Variants in TP53I11 observed in about 807,000 individuals in gnomAD.
TP53I11 encodes the protein tumor protein p53 inducible protein 11.
A neutral mutation model predicts 23.3 loss-of-function variants in TP53I11; 9 were observed. The ratio of observed to expected loss-of-function variants is 0.39; its 90% CI spans 0.23 to 0.67. The LOEUF (loss-of-function observed/expected upper bound fraction) is 0.67. Among genes scored for constraint, TP53I11 ranks in the 30% least tolerant of loss-of-function variants. TP53I11 has a pLI of 0.48. For missense variants in TP53I11, 170 were observed against 255.2 expected (o/e 0.67, Z 2.27); for synonymous variants, 100 against 106.1 (o/e 0.94, Z 0.35).
chr11:44,941,019 G>C (rs1336390746), intron 1 of TP53I11: 6 of 152,230 alleles, frequency 3.9e-5, no homozygotes. Flanking sequence ...CTGCTGTGTG[G>C]CCTTGTGCTC....
chr11:44,947,481 G>C (rs1031940711), intron 1 of TP53I11, among the ~76,000 whole-genome samples: 6 of 152,248 alleles, frequency 3.9e-5, no homozygotes, highest in African/African-American at 1.2e-4. Context: ...GAGAGGAAGG[G>C]AGAGGAAAGG....
chr11:44,937,243 C>A, intron 4 of TP53I11, 61 bp downstream of exon 4: 1 of 1,541,608 alleles, frequency 6.5e-7, no homozygotes, highest in South Asian at 1.2e-5. Flanking sequence ...TCTGGTGAGC[C>A]AGAGAAGGGC....
intron 1 of TP53I11, among the ~76,000 whole-genome samples, chr11:44,938,811 A>T (rs866847264): frequency 1.3e-5 from 2 of 151,998 alleles, no homozygotes; most frequent in Admixed American, 1.3e-4. Flanking sequence ...TTGGGCCCCC[A>T]CCAAACTTCT....
chr11:44,937,361 C>A lies in TP53I11; in HGVS notation c.189-9G>T. On this transcript the variant is annotated splice_polypyrimidine_tract_variant and intron_variant, in intron 3 of 6. Coordinates refer to ENST00000525680, the MANE Select transcript of TP53I11 (RefSeq NM_006034.5). ...AGACGAACTGCCAGACCCTGGGAGG[C>A]GTGGAAAGAAGATCACAGCCCTGCC... 6.8e-7 allele frequency: 1 copy of A among 1,473,218 alleles called. No individual in the cohort carries two copies. The highest frequency in any genetic ancestry group is 9.0e-7 in the Non-Finnish European group (1 of 1,110,222). 91.3% of individuals were successfully genotyped at this position (1,473,218 alleles called of 1,614,324 possible). A position where few individuals can be genotyped will look rare whatever the true frequency, so the allele number is the denominator to read the frequency against.
In TP53I11 at chr11:44,936,091, G is replaced by A. The variant is rs564967964; in HGVS notation, c.335-429C>T. The A allele has an allele frequency of 9.8e-4, 448 of 456,970 alleles. 2 individuals are homozygous for A. The highest frequency in any genetic ancestry group is 2.2e-3 in the Admixed American group (40 of 18,298). 28.3% of individuals were successfully genotyped at this position (456,970 alleles called of 1,614,324 possible). ...ACTCCCAGACAGAAAACCTGAGCCCGGTAAGGACTCGCTTTAAGGAAGTCC... is the reference window on the plus strand; with the variant it reads ...ACTCCCAGACAGAAAACCTGAGCCCAGTAAGGACTCGCTTTAAGGAAGTCC... On this transcript the variant is annotated intron_variant, in intron 5 of 6. Coordinates refer to ENST00000525680, the MANE Select transcript of TP53I11 (RefSeq NM_006034.5). The surrounding 1 kb of genome is among the most constrained non-coding windows in gnomAD (Gnocchi z 4.4).
chr11:44,950,717 G>C lies in TP53I11; in HGVS notation c.-72C>G, dbSNP rs1565140622. The C allele has an allele frequency of 6.5e-6, 1 of 152,922 alleles. No homozygotes were observed. The highest frequency in any genetic ancestry group is 2.4e-5 in the African/African-American group (1 of 41,418). 9.5% of individuals were successfully genotyped at this position (152,922 alleles called of 1,614,324 possible). A position where few individuals can be genotyped will look rare whatever the true frequency, so the allele number is the denominator to read the frequency against. ...CGGCGCTGGGCTACGTGGAGCTGATGCCAGGCGGAGGCTCCGGGCTCGGAC... is the reference window on the plus strand; with the variant it reads ...CGGCGCTGGGCTACGTGGAGCTGATCCCAGGCGGAGGCTCCGGGCTCGGAC... On this transcript the variant is annotated 5_prime_UTR_variant, in exon 1 of 7. Coordinates refer to ENST00000525680, the MANE Select transcript of TP53I11 (RefSeq NM_006034.5).
At chr11:44,937,860 A>C (rs867194730) in intron 2 of TP53I11, among the ~76,000 whole-genome samples, 1 of 152,212 alleles carries the variant, frequency 6.6e-6, no homozygotes, top group Non-Finnish European at 1.5e-5. Flanking sequence ...CCAAATGCAG[A>C]CTTGAAGCCT....
chr11:44,950,502 G>A (rs972630896), intron 1 of TP53I11, among the ~76,000 whole-genome samples, 175 bp downstream of exon 1: 12 of 151,980 alleles, frequency 7.9e-5, no homozygotes, highest in East Asian at 1.9e-4. Context: ...GGGTCCCAGC[G>A]GGCTCAGCGG....
Position 44,936,652 on chromosome 11 carries a change from A to G in TP53I11, c.334+151T>C. ...CACAAGATGGCAGCACATCCCCAGCAGAGAGCTTCATCAGAGGCCGGGGTG... is the reference window on the plus strand; with the variant it reads ...CACAAGATGGCAGCACATCCCCAGCGGAGAGCTTCATCAGAGGCCGGGGTG... On this transcript the variant is annotated intron_variant, in intron 5 of 6. Transcript: ENST00000525680. The surrounding 1 kb of genome is among the most constrained non-coding windows in gnomAD (Gnocchi z 4.4). 1.5e-6 allele frequency: 2 copies of G among 1,366,770 alleles called. No individual in the cohort carries two copies. The highest frequency in any genetic ancestry group is 3.4e-5 in the South Asian group (2 of 58,384). 84.7% of individuals were successfully genotyped at this position (1,366,770 alleles called of 1,614,324 possible).
Position 44,938,116 on chromosome 11 carries a change from G to A in TP53I11, c.129+91C>T, listed in dbSNP as rs139971028. 1,307 of 1,451,574 alleles carry A rather than the reference G, an allele frequency of 9.0e-4. 10 individuals carry two copies. In the African/African-American group the frequency reaches 0.017, roughly 19 times the overall value. The allele number at this position is 1,451,574 out of a possible 1,614,324, so 89.9% of individuals were successfully genotyped here. On this transcript the variant is annotated intron_variant, in intron 2 of 6. Transcript: ENST00000525680. ...ATCAGCTAAGTCCTAGAACTCCTGC[G>A]GCTACCTGGGCCTGGGCTAACCTTC...
chr11:44,946,940 C>CT, intron 1 of TP53I11: 1 of 448,354 alleles, frequency 2.2e-6, no homozygotes, highest in Non-Finnish European at 4.5e-6. Flanking sequence ...CCTACTCTTT[C>CT]TTTTTGAAGG....
In TP53I11 at chr11:44,934,923, G is replaced by A; in HGVS notation, c.531C>T (p.Tyr177=). The change falls in exon 7 of 7, where the codon TAC becomes TAT. Residue 177 remains tyrosine (Y), a synonymous_variant. Coordinates refer to ENST00000525680, the MANE Select transcript of TP53I11 (RefSeq NM_006034.5). ...GTCTTCGGCCGACTTGGTAATAGTA[G>A]TAAATGCTGATGACGACAAAAAGGA... ...SRLLFVVISI[Y]YYYQVGRRPK... 3 of 1,614,174 alleles carry A rather than the reference G, an allele frequency of 1.9e-6. No homozygotes were observed. The South Asian group carries it at 3.3e-5, about 18-fold the overall frequency.
At chr11:44,942,463 T>TAC (rs1861989501) in intron 1 of TP53I11, among the ~76,000 whole-genome samples, 1 of 75,750 alleles carries the variant, frequency 1.3e-5, no homozygotes, top group African/African-American at 5.4e-5. Context: ...CACACACACA[T>TAC]ACACACACAG....
chr11:44,936,550 T>A lies in TP53I11; in HGVS notation c.334+253A>T, dbSNP rs779046021. On this transcript the variant is annotated intron_variant, in intron 5 of 6. Coordinates refer to ENST00000525680, the MANE Select transcript of TP53I11 (RefSeq NM_006034.5). This position sits in a 1 kb window ranked among gnomAD's most constrained non-coding sequence, Gnocchi z 4.4. Reference sequence around the variant, plus strand: ...TCTGTACCACAACGCCCAGAGGCAGTGCACACACTTATGAGCGCTCCTTGC... The same window carrying A: ...TCTGTACCACAACGCCCAGAGGCAGAGCACACACTTATGAGCGCTCCTTGC... 7.8e-7 allele frequency: 1 copy of A among 1,278,000 alleles called. No homozygotes were observed. The highest frequency in any genetic ancestry group is 9.9e-7 in the Non-Finnish European group (1 of 1,012,684). The allele number at this position is 1,278,000 out of a possible 1,614,324, so 79.2% of individuals were successfully genotyped here. A position where few individuals can be genotyped will look rare whatever the true frequency, so the allele number is the denominator to read the frequency against.
chr11:44,935,916 C>T, intron 5 of TP53I11: 1 of 566,696 alleles, frequency 1.8e-6, no homozygotes, highest in Admixed American at 3.2e-5. Context: ...CGAGTCACTT[C>T]CCCGCATTGA....
In TP53I11 at chr11:44,934,342, C is replaced by CTG. The variant is rs926757317; in HGVS notation, c.*540_*541dup. 5.9e-6 allele frequency: 1 copy of CTG among 169,472 alleles called. No individual in the cohort carries two copies. The highest frequency in any genetic ancestry group is 5.5e-5 in the Admixed American group (1 of 18,230). The allele number at this position is 169,472 out of a possible 1,614,324, so 10.5% of individuals were successfully genotyped here. A position where few individuals can be genotyped will look rare whatever the true frequency, so the allele number is the denominator to read the frequency against. Reference sequence around the variant, plus strand: ...GTGTGTATGTGTGTGTGTTGTGTGTCTGTGTGTGTTTTCAGGGTGTGCATG... The same window carrying CTG: ...GTGTGTATGTGTGTGTGTTGTGTGTCTGTGTGTGTGTTTTCAGGGTGTGCATG... On this transcript the variant is annotated 3_prime_UTR_variant, in exon 7 of 7. Coordinates refer to ENST00000525680, the MANE Select transcript of TP53I11 (RefSeq NM_006034.5).
rs541231940 is a variant in TP53I11, at chr11:44,936,988, G to T, written c.238-89C>A. On this transcript the variant is annotated intron_variant, in intron 4 of 6. Coordinates refer to ENST00000525680, the MANE Select transcript of TP53I11 (RefSeq NM_006034.5). This position sits in a 1 kb window ranked among gnomAD's most constrained non-coding sequence, Gnocchi z 4.4. ...CTTCCCACAGACGTCTTCCTTCCCC[G>T]CCAGGAGCAGGATCAGCATCCTTGG... The T allele has an allele frequency of 4.5e-5, 43 of 960,572 alleles. 1 individual carries two copies. In the East Asian group the frequency reaches 1.1e-3, roughly 25 times the overall value. The allele number at this position is 960,572 out of a possible 1,614,324, so 59.5% of individuals were successfully genotyped here.
At chr11:44,943,844 C>T (rs1862138289) in intron 1 of TP53I11, among the ~76,000 whole-genome samples, 1 of 152,198 alleles carries the variant, frequency 6.6e-6, no homozygotes, top group South Asian at 2.1e-4. Flanking sequence ...CTGGGGTGCA[C>T]AGCAGGCACT....
At chr11:44,935,355 A>ACATGTGT (rs1354296710) in intron 6 of TP53I11, among the ~76,000 whole-genome samples, 1 of 152,188 alleles carries the variant, frequency 6.6e-6, no homozygotes, top group Non-Finnish European at 1.5e-5. Context: ...GGATTTGGGA[A>ACATGTGT]GCTACAGGCA....
Sources: gnomAD v4.1 joint callset for allele counts (sites outside exome capture counted in the v4.1 genomes callset) on GRCh38, gnomAD v4.1.1 for gene constraint, Gnocchi (gnomAD v3.1) non-coding constraint, MANE v1.5 for transcripts, NCBI Gene and HGNC (gene_info 2026-07-23, HGNC 2026-07-21) for gene names.